The following GLI2 variants were observed in gnomAD, a reference collection of about 807,000 sequenced individuals.
The protein encoded by GLI2 is transcription activator GLI2.
GLI2 carries 22 observed loss-of-function variants against 78.9 expected under a neutral mutation model. The observed-to-expected ratio is 0.28, with a 90% confidence interval of 0.20 to 0.40. The LOEUF is 0.40. GLI2 is among the 10% of genes least tolerant of loss of function. The pLI, the probability that GLI2 is intolerant of heterozygous loss-of-function variation, is 1.00. For missense variants in GLI2, 2,097 were observed against 2,213.2 expected, an observed-to-expected ratio of 0.95 and a Z score of 1.05; for synonymous variants, 974 against 963.7, an observed-to-expected ratio of 1.01 and a Z score of -0.20.
At chr2:120,888,665 A>G (rs1397013058) in intron 2 of GLI2, among the ~76,000 whole-genome samples, 1 of 152,142 alleles carries the variant, frequency 6.6e-6, no homozygotes, top group East Asian at 1.9e-4. Flanking sequence ...TCTTCAGAGC[A>G]ATCAGGGATT....
intron 3 of GLI2, among the ~76,000 whole-genome samples, chr2:120,947,014 T>C (rs565207061): frequency 2.0e-5 from 3 of 152,304 alleles, no homozygotes; most frequent in African/African-American, 7.2e-5. Flanking sequence ...GTTGGGGGGT[T>C]CCAGCTCCCT....
At chr2:120,766,912 G>C (rs970599395) in intron 1 of GLI2, among the ~76,000 whole-genome samples, 1 of 152,308 alleles carries the variant, frequency 6.6e-6, no homozygotes, top group East Asian at 1.9e-4. Flanking sequence ...CAGGTCTGCA[G>C]TGTCACTGGG....
intron 2 of GLI2, among the ~76,000 whole-genome samples, chr2:120,868,154 A>G (rs1337620182): frequency 3.9e-5 from 6 of 152,168 alleles, no homozygotes; most frequent in Admixed American, 1.3e-4. Flanking sequence ...CGCCACTTCA[A>G]TTCCCCGCGG....
At chr2:120,870,843 A>T (rs958438636) in intron 2 of GLI2, among the ~76,000 whole-genome samples, 10 of 152,180 alleles carry the variant, frequency 6.6e-5, no homozygotes, top group Non-Finnish European at 5.9e-5. Flanking sequence ...CGTGTAATAC[A>T]TGCAACCTGC....
intron 1 of GLI2, among the ~76,000 whole-genome samples, chr2:120,758,719 T>G (rs549613565): frequency 9.5e-4 from 144 of 152,358 alleles, no homozygotes; most frequent in Admixed American, 2.6e-4. Context: ...CCCTTGGGCC[T>G]CCTTGGCTTG....
At position 120,968,856 on chromosome 2, in the gene GLI2, C is replaced by T. The variant is rs746377399; in HGVS notation, c.786C>T (p.Asn262=). ...ACTCGCTAGTGGCCTACATCAACAACTCCCGAAGCAGCTCGGCGGCCAGCG... is the reference window on the plus strand; with the variant it reads ...ACTCGCTAGTGGCCTACATCAACAATTCCCGAAGCAGCTCGGCGGCCAGCG... ...SPNSLVAYIN[N]SRSSSAASGS... is the part of the protein sequence containing the mutation. The change falls in exon 6 of 14, where the codon AAC becomes AAT. Residue 262 remains asparagine (N), a synonymous_variant. Transcript: ENST00000361492. 2.5e-6 allele frequency: 4 copies of T among 1,613,826 alleles called. No individual in the cohort carries two copies. In the East Asian group the frequency reaches 6.7e-5, roughly 27 times the overall value.
chr2:120,978,307 G>T (rs1682554891), intron 9 of GLI2, 127 bp from the exon 10 acceptor site: 1 of 950,968 alleles, frequency 1.1e-6, no homozygotes, highest in African/African-American at 1.6e-5. Context: ...GGTCAGCAGG[G>T]TGGATGGTCT....
chr2:120,924,893 G>T (rs1276315000), intron 2 of GLI2, among the ~76,000 whole-genome samples: 3 of 152,232 alleles, frequency 2.0e-5, no homozygotes, highest in African/African-American at 7.2e-5. Context: ...CACAGTCTCC[G>T]GGCGAAGCGC....
intron 2 of GLI2, among the ~76,000 whole-genome samples, chr2:120,857,898 G>GATAGTA (rs1442712866): frequency 1.3e-5 from 2 of 152,184 alleles, no homozygotes; most frequent in East Asian, 3.9e-4. Flanking sequence ...GGCCCACTGA[G>GATAGTA]ATAGTAAGCT....
intron 3 of GLI2, among the ~76,000 whole-genome samples, chr2:120,939,334 A>G (rs1680345498): frequency 1.3e-5 from 2 of 152,208 alleles, no homozygotes; most frequent in South Asian, 2.1e-4. Flanking sequence ...TAATTATGAC[A>G]TATACACCCT....
chr2:120,855,270 G>T (rs1429660670), intron 2 of GLI2, among the ~76,000 whole-genome samples: 2 of 152,218 alleles, frequency 1.3e-5, no homozygotes, highest in African/African-American at 4.8e-5. Flanking sequence ...CGCTGACCCT[G>T]GAGGCAGCTG....
At chr2:120,909,671 CTGGCTAACACGG>C (rs1678716887) in intron 2 of GLI2, among the ~76,000 whole-genome samples, 1 of 152,108 alleles carries the variant, frequency 6.6e-6, no homozygotes, top group Non-Finnish European at 1.5e-5. Flanking sequence ...TGAGACCATC[CTGGCTAACACGG>C]TGAAACCCTG....
chr2:120,982,661 G>T lies in GLI2; in HGVS notation c.1468-55G>T, dbSNP rs1009772585. 1.2e-5 allele frequency: 19 copies of T among 1,522,346 alleles called. No homozygotes were observed. The African/African-American group carries it at 1.4e-4, about 11-fold the overall frequency. The allele number at this position is 1,522,346 out of a possible 1,614,324, so 94.3% of individuals were successfully genotyped here. A position where few individuals can be genotyped will look rare whatever the true frequency, so the allele number is the denominator to read the frequency against. ...GGGGGTGGGGAGGAAGCAGCAGCCGGCCTCAAGGTTGGGCCCCCTGGGGTG... is the reference window on the plus strand; with the variant it reads ...GGGGGTGGGGAGGAAGCAGCAGCCGTCCTCAAGGTTGGGCCCCCTGGGGTG... On this transcript the variant is annotated intron_variant, in intron 10 of 13. Coordinates refer to ENST00000361492, the MANE Select transcript of GLI2 (RefSeq NM_001374353.1).
At chr2:120,959,995 A>C (rs1681466174) in intron 5 of GLI2, among the ~76,000 whole-genome samples, 1 of 152,206 alleles carries the variant, frequency 6.6e-6, no homozygotes, top group African/African-American at 2.4e-5. Context: ...GGGGGCCTGG[A>C]GAGCTCATGG....
intron 3 of GLI2, among the ~76,000 whole-genome samples, chr2:120,928,114 C>T (rs1679778662): frequency 6.6e-6 from 1 of 152,148 alleles, no homozygotes; most frequent in South Asian, 2.1e-4. Flanking sequence ...CGTCCTCCTT[C>T]CAGGAAAGAA....
chr2:120,850,931 C>G lies in GLI2; in HGVS notation c.148+53463C>G, dbSNP rs1687377722. Among the ~76,000 whole-genome samples the G allele has an allele frequency of 4.6e-5, 7 of 152,276 alleles. No homozygotes were observed. The South Asian group carries it at 1.5e-3, about 32-fold the overall frequency. On this transcript the variant is annotated intron_variant, in intron 2 of 13. Transcript: ENST00000361492. ...ATTTTAATACCTTCCTTATATAGAT[C>G]AGATAGCTGCCAGAGGAATTAAGAG...
Position 120,927,518 on chromosome 2 carries a change from G to A in GLI2, c.254+52G>A, listed in dbSNP as rs547815868. On this transcript the variant is annotated intron_variant, in intron 3 of 13. Coordinates refer to ENST00000361492, the MANE Select transcript of GLI2 (RefSeq NM_001374353.1). Reference sequence around the variant, plus strand: ...CCTGGCGTGCAGTCACCTGCCATGGGGAGGCTGGGCCGGCAGCCTCAGCCA... The same window carrying A: ...CCTGGCGTGCAGTCACCTGCCATGGAGAGGCTGGGCCGGCAGCCTCAGCCA... The A allele has an allele frequency of 2.5e-5, 31 of 1,263,732 alleles. No individual in the cohort carries two copies. The South Asian group carries it at 3.3e-4, about 14-fold the overall frequency. The allele number at this position is 1,263,732 out of a possible 1,614,324, so 78.3% of individuals were successfully genotyped here.
intron 2 of GLI2, among the ~76,000 whole-genome samples, chr2:120,887,845 GC>G (rs924679070): frequency 5.9e-5 from 9 of 152,300 alleles, no homozygotes; most frequent in African/African-American, 2.2e-4. Context: ...CCTTGAGAGG[GC>G]CCGGGGATCC....
intron 2 of GLI2, among the ~76,000 whole-genome samples, chr2:120,860,300 C>T (rs1343263319): frequency 6.6e-6 from 1 of 152,196 alleles, no homozygotes; most frequent in Non-Finnish European, 1.5e-5. Flanking sequence ...GTTCCAGTAC[C>T]CCCAAGGAGC....
Sources: gnomAD v4.1 joint callset for allele counts (sites outside exome capture counted in the v4.1 genomes callset) on GRCh38, gnomAD v4.1.1 for gene constraint, MANE v1.5 for transcripts, NCBI Gene and HGNC (gene_info 2026-07-23, HGNC 2026-07-21) for gene names.